TRPC3: variants seen among roughly 807,000 people sequenced by gnomAD.
TRPC3 encodes the protein short transient receptor potential channel 3.
TRPC3 carries 54 observed loss-of-function variants against 90.9 expected under a neutral mutation model. The ratio of observed to expected loss-of-function variants is 0.59; its 90% CI spans 0.48 to 0.75. The LOEUF is 0.75. TRPC3 is among the 30% of genes least tolerant of loss of function. TRPC3 has a pLI of 0.00. For synonymous variants in TRPC3, 424 were observed against 450.9 expected (o/e 0.94, Z 0.75); for missense variants, 918 against 1,194.5 (o/e 0.77, Z 3.41).
At chr4:121,908,578 C>A (rs1728969365) in intron 6 of TRPC3, among the ~76,000 whole-genome samples, 1 of 152,098 alleles carries the variant, frequency 6.6e-6, no homozygotes, top group Admixed American at 6.6e-5. Context: ...TCCTTTGCAG[C>A]AACATGAATG....
chr4:121,946,617 T>G (rs1348077559), intron 1 of TRPC3, among the ~76,000 whole-genome samples: 1 of 152,096 alleles, frequency 6.6e-6, no homozygotes, highest in African/African-American at 2.4e-5. Flanking sequence ...GAACATAAAT[T>G]CTCACCTGAG....
At chr4:121,912,958 C>T (rs1375058864) in intron 4 of TRPC3, among the ~76,000 whole-genome samples, 1 of 152,226 alleles carries the variant, frequency 6.6e-6, no homozygotes, top group Non-Finnish European at 1.5e-5. Context: ...TTTCTACACT[C>T]TCAGACCCTG....
Position 121,911,947 on chromosome 4 carries a change from G to C in TRPC3, c.1488C>G (p.Pro496=), listed in dbSNP as rs371756257. Residue 496 remains proline, a synonymous_variant, in exon 5 of 12, where the codon CCC becomes CCG. Coordinates refer to ENST00000379645, the MANE Select transcript of TRPC3 (RefSeq NM_001130698.2). ...TLPNITVTDY[P]KQIFRVKTTQ... is the part of the protein sequence containing the mutation. ...TGGTTTTCACCCTGAAGATCTGTTT[G>C]GGATAGTCAGTAACTGTGATATTGG... 31 of 1,613,734 alleles carry C rather than the reference G, an allele frequency of 1.9e-5. No individual in the cohort carries two copies. The highest frequency in any genetic ancestry group is 4.4e-5 in the South Asian group (4 of 91,068).
intron 1 of TRPC3, among the ~76,000 whole-genome samples, chr4:121,948,457 C>T (rs1002732307): frequency 1.3e-5 from 2 of 151,840 alleles, no homozygotes; most frequent in Admixed American, 6.6e-5. Flanking sequence ...TTACAGTCAT[C>T]TCCTAATTTG....
chr4:121,930,678 T>C (rs1729873768), intron 2 of TRPC3: 3 of 270,788 alleles, frequency 1.1e-5, no homozygotes, highest in Non-Finnish European at 2.2e-5. Flanking sequence ...ACAAGATTTG[T>C]GTGGCATTTG....
rs139350339 is a variant in TRPC3, at chr4:121,936,784, A to T, written c.216-3742T>A. On this transcript the variant is annotated intron_variant, in intron 1 of 11. Coordinates refer to ENST00000379645, the MANE Select transcript of TRPC3 (RefSeq NM_001130698.2). Reference sequence around the variant, plus strand: ...CAAGGTACCTCTCCAGAAACCGAACATGCTGGCACCGATTTCAGACTTCCA... The same window carrying T: ...CAAGGTACCTCTCCAGAAACCGAACTTGCTGGCACCGATTTCAGACTTCCA... Among the ~76,000 whole-genome samples, 358 of 152,268 alleles carry T rather than the reference A, an allele frequency of 2.4e-3. 5 individuals are homozygous for T. In the East Asian group the frequency reaches 0.046, roughly 19 times the overall value.
intron 1 of TRPC3, among the ~76,000 whole-genome samples, chr4:121,947,477 A>T (rs1730532829): frequency 6.6e-6 from 1 of 152,194 alleles, no homozygotes; most frequent in South Asian, 2.1e-4. Flanking sequence ...TGCCACAGAA[A>T]CTAACATACA....
intron 10 of TRPC3, among the ~76,000 whole-genome samples, chr4:121,882,793 A>G (rs1319693549): frequency 1.3e-5 from 2 of 152,140 alleles, no homozygotes; most frequent in African/African-American, 4.8e-5. Context: ...ATTTAGAAAA[A>G]TACATCAATG....
intron 4 of TRPC3, among the ~76,000 whole-genome samples, chr4:121,914,133 G>T (rs1490636515): frequency 6.6e-6 from 1 of 152,192 alleles, no homozygotes; most frequent in African/African-American, 2.4e-5. Flanking sequence ...ACATTGGAAA[G>T]TTGAGAGGAG....
intron 3 of TRPC3, among the ~76,000 whole-genome samples, chr4:121,917,941 A>T (rs1044252264): frequency 3.3e-5 from 5 of 152,216 alleles, no homozygotes; most frequent in Non-Finnish European, 7.3e-5. Context: ...ATGTGTCTAT[A>T]TGGAATTGAT....
intron 1 of TRPC3, among the ~76,000 whole-genome samples, chr4:121,941,445 G>A (rs1409663005): frequency 2.6e-5 from 4 of 152,190 alleles, no homozygotes; most frequent in Non-Finnish European, 4.4e-5. Context: ...GGGCAAGAAG[G>A]GCAGATGGAG....
intron 10 of TRPC3, among the ~76,000 whole-genome samples, chr4:121,891,485 A>C (rs1332750619): frequency 6.6e-6 from 1 of 152,198 alleles, no homozygotes; most frequent in Non-Finnish European, 1.5e-5. Flanking sequence ...AGTGAAGTGG[A>C]TCAGAATATG....
At chr4:121,947,683 G>A (rs995148058) in intron 1 of TRPC3, among the ~76,000 whole-genome samples, 8 of 151,834 alleles carry the variant, frequency 5.3e-5, no homozygotes, top group African/African-American at 1.7e-4. Context: ...AAAGAGGAGC[G>A]ATTTAAGTGA....
chr4:121,880,686 A>G (rs1727912337), intron 11 of TRPC3, among the ~76,000 whole-genome samples: 1 of 152,190 alleles, frequency 6.6e-6, no homozygotes. Context: ...CTTGCAAGTG[A>G]CCGTAATGTA....
chr4:121,926,989 TTA>T (rs1489903762), intron 2 of TRPC3, among the ~76,000 whole-genome samples: 1 of 152,182 alleles, frequency 6.6e-6, no homozygotes, highest in African/African-American at 2.4e-5. Flanking sequence ...AATAACTGGT[TTA>T]TAGCGAATGT....
At chr4:121,905,023 G>T (rs1728832015) in intron 7 of TRPC3, among the ~76,000 whole-genome samples, 2 of 151,946 alleles carry the variant, frequency 1.3e-5, no homozygotes, top group Admixed American at 6.6e-5. Flanking sequence ...AAATAATTCT[G>T]GTATATCCAG....
chr4:121,909,807 C>T (rs1729020099), intron 6 of TRPC3, among the ~76,000 whole-genome samples: 1 of 152,114 alleles, frequency 6.6e-6, no homozygotes, highest in Non-Finnish European at 1.5e-5. Context: ...CCTTCCACAT[C>T]AAGCAGTTTA....
intron 8 of TRPC3, among the ~76,000 whole-genome samples, chr4:121,903,461 G>A (rs566871518): frequency 6.6e-6 from 1 of 152,242 alleles, no homozygotes; most frequent in Admixed American, 6.5e-5. Context: ...TCCAAGCCAG[G>A]CTGTAGACAC....
intron 2 of TRPC3, among the ~76,000 whole-genome samples, chr4:121,931,814 T>C (rs77881224): frequency 0.057 from 8,620 of 152,294 alleles, 536 homozygotes; most frequent in African/African-American, 0.15. Context: ...GAGCTTGCTC[T>C]GTCCAGTCCA....
Sources: allele counts gnomAD v4.1 joint callset (sites outside exome capture counted in the v4.1 genomes callset), GRCh38; gene constraint gnomAD v4.1.1; transcripts MANE v1.5; gene names NCBI Gene and HGNC (gene_info 2026-07-23, HGNC 2026-07-21).